The following CCDC91 variants were observed in gnomAD, a reference collection of about 807,000 sequenced individuals.
CCDC91 encodes the protein coiled-coil domain containing 91.
Under a neutral mutation model 63.2 loss-of-function variants are expected in CCDC91, and 48 were observed. The ratio of observed to expected loss-of-function variants is 0.76; its 90% CI spans 0.60 to 0.97. The LOEUF is 0.97. CCDC91 is among the 50% of genes least tolerant of loss of function. The probability of loss-of-function intolerance (pLI) is 0.00; values close to 1 mark genes in which losing one functional copy is unlikely to be tolerated. For missense variants in CCDC91, 500 were observed against 494.6 expected (o/e 1.01, Z -0.10); for synonymous variants, 167 against 165.8 (o/e 1.01, Z -0.06).
chr12:28,327,213 C>T (rs2137570088), intron 6 of CCDC91, among the ~76,000 whole-genome samples: 1 of 152,030 alleles, frequency 6.6e-6, no homozygotes, highest in African/African-American at 2.4e-5. Flanking sequence ...AAAGCAGCCC[C>T]CAAATCATTT....
chr12:28,456,505 G>A (rs1950064505), intron 11 of CCDC91, among the ~76,000 whole-genome samples: 1 of 152,070 alleles, frequency 6.6e-6, no homozygotes, highest in Non-Finnish European at 1.5e-5. Context: ...ATAACTGAGG[G>A]CAGGGGAATT....
intron 12 of CCDC91, among the ~76,000 whole-genome samples, chr12:28,513,021 A>G (rs1390368108): frequency 1.3e-5 from 2 of 151,904 alleles, no homozygotes; most frequent in Non-Finnish European, 2.9e-5. Context: ...TCCTAGATGT[A>G]AATCTTCCAG....
intron 8 of CCDC91, among the ~76,000 whole-genome samples, chr12:28,417,384 T>C (rs1011629390): frequency 6.6e-6 from 1 of 152,100 alleles, no homozygotes; most frequent in Admixed American, 6.6e-5. Context: ...CCAAAAGATT[T>C]CCTCGTGCTC....
rs1466415497 is a variant in CCDC91 at position 28,549,454 on chromosome 12, T to C, written c.*281T>C. On this transcript the variant is annotated 3_prime_UTR_variant, in exon 13 of 13. Transcript: ENST00000536442. ...ATTGTAAAGTGCCACATTACCAAAA[T>C]TAATTAAGTAAACTTTATAGCCTGT... The C allele has an allele frequency of 9.7e-6, 2 of 207,194 alleles. No homozygotes were observed. Among genetic ancestry groups the C allele is most frequent in the Non-Finnish European group, 1.9e-5 (2 of 103,194 alleles). The allele number at this position is 207,194 out of a possible 1,614,324, so 12.8% of individuals were successfully genotyped here.
intron 3 of CCDC91, among the ~76,000 whole-genome samples, chr12:28,276,349 G>A (rs1012774949): frequency 2.0e-5 from 3 of 151,926 alleles, no homozygotes; most frequent in Non-Finnish European, 1.5e-5. Flanking sequence ...TTCACTGGGT[G>A]TAAACCAAAG....
intron 1 of CCDC91, among the ~76,000 whole-genome samples, chr12:28,209,565 G>C (rs1247900752): frequency 6.6e-6 from 1 of 152,018 alleles, no homozygotes; most frequent in Non-Finnish European, 1.5e-5. Flanking sequence ...CGAGTAGCTG[G>C]GATTACAGGT....
chr12:28,192,137 A>C (rs1449219194), intron 1 of CCDC91, among the ~76,000 whole-genome samples: 1 of 152,334 alleles, frequency 6.6e-6, no homozygotes, highest in South Asian at 2.1e-4. Flanking sequence ...CACAAAAGAA[A>C]CTGCAGAAAA....
chr12:28,299,505 T>C (rs1384127677), intron 3 of CCDC91, among the ~76,000 whole-genome samples: 8 of 151,676 alleles, frequency 5.3e-5, no homozygotes, highest in African/African-American at 1.9e-4. Context: ...TATTCTGTTT[T>C]AGGATTTCTC....
At chr12:28,429,661 G>A (rs1285523285) in intron 8 of CCDC91, among the ~76,000 whole-genome samples, 1 of 151,824 alleles carries the variant, frequency 6.6e-6, no homozygotes, top group African/African-American at 2.4e-5. Flanking sequence ...AGAAAGTAAG[G>A]GTATTATACA....
At chr12:28,245,196 C>G (rs1233875415) in intron 1 of CCDC91, among the ~76,000 whole-genome samples, 1 of 151,890 alleles carries the variant, frequency 6.6e-6, no homozygotes, top group Non-Finnish European at 1.5e-5. Context: ...TAGAAACAGA[C>G]CCACAGTGTT....
At chr12:28,203,510 T>C (rs115166637) in intron 1 of CCDC91, among the ~76,000 whole-genome samples, 1 of 152,360 alleles carries the variant, frequency 6.6e-6, no homozygotes, top group African/African-American at 2.4e-5. Flanking sequence ...GGGATTATTC[T>C]AATTCAGATA....
At chr12:28,471,060 A>G (rs1950790644) in intron 11 of CCDC91, among the ~76,000 whole-genome samples, 1 of 152,206 alleles carries the variant, frequency 6.6e-6, no homozygotes, top group African/African-American at 2.4e-5. Context: ...AAATCCTAAT[A>G]CTATGTTACT....
chr12:28,466,096 A>G (rs1382243306), intron 11 of CCDC91, among the ~76,000 whole-genome samples: 1 of 152,214 alleles, frequency 6.6e-6, no homozygotes, highest in South Asian at 2.1e-4. Flanking sequence ...GCACTTGAAG[A>G]CAGGCTATTT....
intron 3 of CCDC91, among the ~76,000 whole-genome samples, chr12:28,263,382 T>G (rs1380455925): frequency 2.6e-5 from 4 of 152,038 alleles, no homozygotes; most frequent in African/African-American, 9.7e-5. Context: ...CTCTGGCGAC[T>G]AGGATCCTAT....
chr12:28,536,210 G>A (rs940257581), intron 12 of CCDC91, among the ~76,000 whole-genome samples: 2 of 152,066 alleles, frequency 1.3e-5, no homozygotes, highest in African/African-American at 4.8e-5. Context: ...AAAAGAGAAT[G>A]ACTGAAAAAG....
chr12:28,515,703 A>C (rs1939865614), intron 12 of CCDC91, among the ~76,000 whole-genome samples: 1 of 151,928 alleles, frequency 6.6e-6, no homozygotes, highest in African/African-American at 2.4e-5. Flanking sequence ...TATCAACAAA[A>C]ATTATAATAT....
chr12:28,363,735 G>A (rs1397388747), intron 7 of CCDC91, among the ~76,000 whole-genome samples: 2 of 151,788 alleles, frequency 1.3e-5, no homozygotes, highest in East Asian at 1.9e-4. Flanking sequence ...AAATTAGCCG[G>A]GCATGGTGGC....
At chr12:28,322,268 T>A (rs1191727949) in intron 6 of CCDC91, among the ~76,000 whole-genome samples, 1 of 151,844 alleles carries the variant, frequency 6.6e-6, no homozygotes, top group African/African-American at 2.4e-5. Context: ...CAGAGCAGCA[T>A]GAAATCTGCA....
intron 8 of CCDC91, among the ~76,000 whole-genome samples, chr12:28,396,894 C>T (rs1314008595): frequency 6.6e-6 from 1 of 152,006 alleles, no homozygotes; most frequent in African/African-American, 2.4e-5. Context: ...GATGCCAGAG[C>T]TGTCAGACAG....
Sources: gnomAD v4.1 joint callset for allele counts (sites outside exome capture counted in the v4.1 genomes callset) on GRCh38, gnomAD v4.1.1 for gene constraint, MANE v1.5 for transcripts, NCBI Gene and HGNC (gene_info 2026-07-23, HGNC 2026-07-21) for gene names.